Variants in TRANK1 observed in about 807,000 individuals in gnomAD.
The protein encoded by TRANK1 is tetratricopeptide repeat and ankyrin repeat containing 1, also known as TPR and ankyrin repeat-containing protein 1.
A neutral mutation model predicts 266.0 loss-of-function variants in TRANK1; 198 were observed. The observed-to-expected ratio is 0.74, with a 90% CI of 0.66 to 0.84. TRANK1 has a LOEUF of 0.84. Among genes scored for constraint, TRANK1 ranks in the 40% least tolerant of loss-of-function variants. TRANK1 has a pLI of 0.00. For synonymous variants in TRANK1, 1,396 were observed against 1,384.1 expected, an observed-to-expected ratio of 1.01 and a Z score of -0.19; for missense variants, 3,326 against 3,634.6, an observed-to-expected ratio of 0.92 and a Z score of 2.18.
chr3:36,866,060 G>GA (rs2079217079), intron 9 of TRANK1, among the ~76,000 whole-genome samples: 1 of 114,846 alleles, frequency 8.7e-6, no homozygotes, highest in South Asian at 2.6e-4. Flanking sequence ...GAAAAAGAAA[G>GA]AAAGAAAGAA....
chr3:36,878,072 C>T (rs540053973), intron 8 of TRANK1, among the ~76,000 whole-genome samples: 3 of 152,212 alleles, frequency 2.0e-5, no homozygotes, highest in South Asian at 2.1e-4. Context: ...TGTTAGGAAG[C>T]GGGCCTCACA....
intron 1 of TRANK1, among the ~76,000 whole-genome samples, chr3:36,938,147 A>G (rs1156285301): frequency 1.3e-5 from 2 of 152,196 alleles, no homozygotes; most frequent in African/African-American, 4.8e-5. Context: ...GGACATCTGA[A>G]GGGTGGCCCC....
At chr3:36,850,028 G>C (rs897177993) in intron 15 of TRANK1, 51 of 985,298 alleles carry the variant, frequency 5.2e-5, no homozygotes, top group Non-Finnish European at 5.7e-5. Flanking sequence ...CACATAACTG[G>C]ATTTTTCTTT....
intron 1 of TRANK1, among the ~76,000 whole-genome samples, chr3:36,936,895 A>T (rs2080432801): frequency 6.6e-6 from 1 of 152,218 alleles, no homozygotes; most frequent in Non-Finnish European, 1.5e-5. Context: ...TGAGGTCAGA[A>T]GTTCGAGACT....
chr3:36,939,276 C>CAA, intron 1 of TRANK1, among the ~76,000 whole-genome samples: 1 of 151,650 alleles, frequency 6.6e-6, no homozygotes, highest in Non-Finnish European at 1.5e-5. Context: ...CACACACACA[C>CAA]ACACACACAC....
intron 1 of TRANK1, among the ~76,000 whole-genome samples, chr3:36,916,415 T>C (rs1385743912): frequency 6.6e-6 from 1 of 152,058 alleles, no homozygotes; most frequent in African/African-American, 2.4e-5. Context: ...AAATACAAAT[T>C]AGCTGGGCAT....
At chr3:36,942,996 C>A (rs1341939808) in intron 1 of TRANK1, among the ~76,000 whole-genome samples, 1 of 152,090 alleles carries the variant, frequency 6.6e-6, no homozygotes, top group Non-Finnish European at 1.5e-5. Flanking sequence ...GCATGGCCAA[C>A]ATGGCGAAAC....
chr3:36,907,668 G>A (rs2079992414), intron 2 of TRANK1, among the ~76,000 whole-genome samples: 1 of 149,992 alleles, frequency 6.7e-6, no homozygotes, highest in African/African-American at 2.5e-5. Context: ...GTTTCACCCT[G>A]TTAGCCAGGA....
chr3:36,848,650 G>A (rs2078946189), intron 15 of TRANK1, among the ~76,000 whole-genome samples: 1 of 152,146 alleles, frequency 6.6e-6, no homozygotes, highest in Non-Finnish European at 1.5e-5. Context: ...AATAGGAATG[G>A]TTATGCTACT....
chr3:36,833,655 C>A lies in TRANK1; in HGVS notation c.5928G>T (p.Leu1976=). ...ALLMKQHGCL[L]EAARLTADKD... is the part of the protein sequence containing the mutation. ...TGTCGGCAGTGAGCCTGGCAGCCTC[C>A]AGGAGGCAGCCATGTTGCTTCATCA... Residue 1976 remains leucine (L), a synonymous_variant, in exon 22 of 24, where the codon CTG becomes CTT. Coordinates refer to ENST00000645898, the MANE Select transcript of TRANK1 (RefSeq NM_001329998.2). The A allele has an allele frequency of 6.2e-7, 1 of 1,613,972 alleles. No individual in the cohort carries two copies. Among genetic ancestry groups the A allele is most frequent in the Non-Finnish European group, 8.5e-7 (1 of 1,179,856 alleles).
intron 1 of TRANK1, among the ~76,000 whole-genome samples, chr3:36,917,408 A>G (rs1486675908): frequency 6.6e-6 from 1 of 152,252 alleles, no homozygotes; most frequent in African/African-American, 2.4e-5. Flanking sequence ...ATATGGTGTC[A>G]TCAACCCATT....
chr3:36,918,275 T>C (rs2080154096), intron 1 of TRANK1, among the ~76,000 whole-genome samples: 1 of 151,918 alleles, frequency 6.6e-6, no homozygotes, highest in Non-Finnish European at 1.5e-5. Context: ...GAAGTTGTTG[T>C]CAAATGAATA....
intron 2 of TRANK1, among the ~76,000 whole-genome samples, chr3:36,906,785 C>A (rs1436828736): frequency 6.6e-6 from 1 of 152,224 alleles, no homozygotes; most frequent in Non-Finnish European, 1.5e-5. Flanking sequence ...AGAACCAGCC[C>A]TGCTAACACC....
At chr3:36,908,285 T>G in intron 2 of TRANK1, 38 bp downstream of exon 2, 1 of 1,232,074 alleles carries the variant, frequency 8.1e-7, no homozygotes. Flanking sequence ...TCCCATGTAC[T>G]GAAAAAGAAA....
At chr3:36,845,499 C>T (rs138177430) in intron 17 of TRANK1, among the ~76,000 whole-genome samples, 68 of 152,308 alleles carry the variant, frequency 4.5e-4, no homozygotes, top group African/African-American at 1.6e-3. Context: ...AAAGACACTT[C>T]AGTAGGTATT....
At position 36,945,033 on chromosome 3, in the gene TRANK1, T is replaced by C. The variant is rs2080554571; in HGVS notation, c.-224A>G. 2.1e-6 allele frequency: 1 copy of C among 470,976 alleles called. No individual in the cohort carries two copies. The highest frequency in any genetic ancestry group is 2.1e-5 in the African/African-American group (1 of 48,544). The allele number at this position is 470,976 out of a possible 1,614,324, so 29.2% of individuals were successfully genotyped here. Reference sequence around the variant, plus strand: ...CGCAGGAACCCCGGCGTCCGGGCGGTGTGCAGCCGCAGACCTATTCCAAGT... The same window carrying C: ...CGCAGGAACCCCGGCGTCCGGGCGGCGTGCAGCCGCAGACCTATTCCAAGT... On this transcript the variant is annotated 5_prime_UTR_variant, in exon 1 of 24. Coordinates refer to ENST00000645898, the MANE Select transcript of TRANK1 (RefSeq NM_001329998.2).
intron 2 of TRANK1, among the ~76,000 whole-genome samples, chr3:36,903,805 GC>G (rs912875531): frequency 3.3e-5 from 5 of 152,246 alleles, no homozygotes; most frequent in Non-Finnish European, 7.3e-5. Context: ...GATGGCTCTG[GC>G]CTTGGTCTAG....
rs2080004494 is a variant in TRANK1, at chr3:36,908,414, C to T, written c.64G>A (p.Gly22Ser). Residue 22 changes from glycine (G) to serine (S), a missense_variant, in exon 2 of 24, where the codon GGC becomes AGC. By Grantham distance (56) the Gly-to-Ser change is moderately conservative (BLOSUM62 0). Coordinates refer to ENST00000645898, the MANE Select transcript of TRANK1 (RefSeq NM_001329998.2). ...TAYAELLKES[G>S]NQVLKNGNFS... ...TTCCCATTCTTAAGAACCTGGTTGC[C>T]GGATTCTTTCAGCAGCTCAGCGTAA... 8.1e-6 allele frequency: 10 copies of T among 1,232,054 alleles called. No individual in the cohort carries two copies. The highest frequency in any genetic ancestry group is 6.3e-5 in the East Asian group (2 of 31,718). 76.3% of individuals were successfully genotyped at this position (1,232,054 alleles called of 1,614,324 possible). A position where few individuals can be genotyped will look rare whatever the true frequency, so the allele number is the denominator to read the frequency against.
In TRANK1 at chr3:36,851,700, A is replaced by G. The variant is rs1207712512; in HGVS notation, c.4887+19T>C. 1.3e-6 allele frequency: 2 copies of G among 1,596,536 alleles called. No individual in the cohort carries two copies. Among genetic ancestry groups the G allele is most frequent in the African/African-American group, 2.7e-5 (2 of 73,792 alleles). The stretch of plus-strand genomic sequence containing the variant: ...ATACATAAATATTCATTGTGTGAAA[A>G]GAATTAGGTGTGACATACCTCAGAA... On this transcript the variant is annotated intron_variant, in intron 15 of 23. Transcript: ENST00000645898.
Sources: gnomAD v4.1 joint callset for allele counts (sites outside exome capture counted in the v4.1 genomes callset) on GRCh38, gnomAD v4.1.1 for gene constraint, MANE v1.5 for transcripts, NCBI Gene and HGNC (gene_info 2026-07-23, HGNC 2026-07-21) for gene names.